OR3A2: variants seen among roughly 807,000 people sequenced by gnomAD.
OR3A2 encodes the protein olfactory receptor 3A2.
For synonymous variants in OR3A2, 126 were observed against 159.3 expected (o/e 0.79, Z 1.57); for missense variants, 318 against 392.8 (o/e 0.81, Z 1.61).
chr17:3,310,576 T>C (rs779776762), intron 3 of OR3A2: 1 of 537,186 alleles, frequency 1.9e-6, no homozygotes, highest in Admixed American at 1.9e-5. Context: ...AGCCATTTCA[T>C]ATCCAACGAC....
intron 3 of OR3A2, among the ~76,000 whole-genome samples, chr17:3,327,989 G>A (rs2150640012): frequency 7.5e-6 from 1 of 133,098 alleles, no homozygotes; most frequent in Middle Eastern, 3.8e-3. Context: ...GTCAGGTAGT[G>A]TGATGCCTCC....
intron 2 of OR3A2, among the ~76,000 whole-genome samples, chr17:3,348,322 T>C (rs1488060165): frequency 2.6e-5 from 4 of 152,174 alleles, no homozygotes; most frequent in Admixed American, 1.3e-4. Context: ...TCCTTGCCCA[T>C]GCCTATGTCC....
exon 2 of OR3A2, chr17:3,277,847 C>T: frequency 9.8e-7 from 1 of 1,025,076 alleles, no homozygotes; most frequent in Non-Finnish European, 1.4e-6. Flanking sequence ...AAATATGTAA[C>T]ACCGATCTTC....
At chr17:3,367,575 G>T (rs554708609) in intron 2 of OR3A2, among the ~76,000 whole-genome samples, 1 of 123,264 alleles carries the variant, frequency 8.1e-6, no homozygotes, top group Non-Finnish European at 1.6e-5. Context: ...GTATTCCATG[G>T]TGTATATGTA....
At chr17:3,307,488 G>A (rs2049007954) in intron 3 of OR3A2, among the ~76,000 whole-genome samples, 1 of 152,180 alleles carries the variant, frequency 6.6e-6, no homozygotes, top group Admixed American at 6.5e-5. Context: ...GAGTCAGTGA[G>A]AATGCTTAAT....
chr17:3,310,671 A>G (rs777209688), intron 3 of OR3A2: 1 of 543,442 alleles, frequency 1.8e-6, no homozygotes, highest in African/African-American at 1.9e-5. Flanking sequence ...GCTGACCATC[A>G]TGGCCTATGA....
chr17:3,303,964 A>AAC (rs1555525729), intron 3 of OR3A2, among the ~76,000 whole-genome samples: 8 of 117,898 alleles, frequency 6.8e-5, no homozygotes, highest in Non-Finnish European at 1.3e-4. Context: ...TTTTGGTACT[A>AAC]ATATATATAT....
At chr17:3,344,275 T>A (rs936870579) in intron 2 of OR3A2, among the ~76,000 whole-genome samples, 1 of 151,984 alleles carries the variant, frequency 6.6e-6, no homozygotes, top group Non-Finnish European at 1.5e-5. Flanking sequence ...TTTTTACACA[T>A]CTAATTATTT....
chr17:3,350,977 T>A (rs2049415167), intron 2 of OR3A2, among the ~76,000 whole-genome samples: 1 of 151,854 alleles, frequency 6.6e-6, no homozygotes, highest in Non-Finnish European at 1.5e-5. Context: ...TTGACAAAAT[T>A]CAACAACCTT....
At chr17:3,298,534 C>T (rs1198021517) in intron 3 of OR3A2, among the ~76,000 whole-genome samples, 2 of 152,156 alleles carry the variant, frequency 1.3e-5, no homozygotes, top group Admixed American at 6.5e-5. Context: ...CTAGGAAGGA[C>T]GGGCATTGGC....
At chr17:3,386,278 G>C (rs983657182) in exon 1 of OR3A2, 4 of 398,566 alleles carry the variant, frequency 1.0e-5, no homozygotes, top group Non-Finnish European at 1.8e-5. Context: ...CCTCCTGGCG[G>C]CCATGTCCTA....
chr17:3,276,747 T>C (rs1475089658), downstream of OR3A2, among the ~76,000 whole-genome samples: 1 of 152,084 alleles, frequency 6.6e-6, no homozygotes, highest in Non-Finnish European at 1.5e-5. Flanking sequence ...TTCAAAAACT[T>C]TATCATATGT....
intron 2 of OR3A2, among the ~76,000 whole-genome samples, chr17:3,364,097 G>A (rs1425758799): frequency 6.6e-5 from 10 of 152,162 alleles, no homozygotes; most frequent in Admixed American, 6.6e-4. Context: ...AAATGTATGT[G>A]TAGAAAACAA....
intron 2 of OR3A2, among the ~76,000 whole-genome samples, chr17:3,373,680 G>A (rs746196754): frequency 7.9e-5 from 12 of 152,024 alleles, no homozygotes; most frequent in Non-Finnish European, 1.8e-4. Context: ...AAGTTTCCAT[G>A]AGTCCTTATG....
chr17:3,332,028 G>C (rs1334296987), intron 3 of OR3A2, among the ~76,000 whole-genome samples: 1 of 152,024 alleles, frequency 6.6e-6, no homozygotes, highest in Non-Finnish European at 1.5e-5. Flanking sequence ...AGGCTGCTCG[G>C]GGGTCAGGGG....
chr17:3,375,657 G>A (rs996884734), intron 2 of OR3A2, among the ~76,000 whole-genome samples: 1 of 152,016 alleles, frequency 6.6e-6, no homozygotes, highest in African/African-American at 2.4e-5. Flanking sequence ...GATCTTTTGG[G>A]GGTGTTATAG....
At chr17:3,374,303 C>T (rs4790480) in intron 2 of OR3A2, among the ~76,000 whole-genome samples, 14,617 of 152,180 alleles carry the variant, frequency 0.096, 870 homozygotes, top group East Asian at 0.16. Context: ...AATGAATTTC[C>T]AGGGTGTTCT....
chr17:3,340,887 A>C (rs1028819952), intron 2 of OR3A2, among the ~76,000 whole-genome samples: 7 of 152,092 alleles, frequency 4.6e-5, no homozygotes, highest in African/African-American at 1.7e-4. Context: ...CCATTATTAA[A>C]GTGTGGGAGT....
intron 2 of OR3A2, among the ~76,000 whole-genome samples, chr17:3,348,109 A>T (rs1026680371): frequency 2.6e-5 from 4 of 151,590 alleles, no homozygotes; most frequent in African/African-American, 9.7e-5. Context: ...TTTTTCTTGT[A>T]AATTTGTTTG....
Sources: gnomAD v4.1 joint callset for allele counts (sites outside exome capture counted in the v4.1 genomes callset) on GRCh38, gnomAD v4.1.1 for gene constraint, MANE v1.5 for transcripts, NCBI Gene and HGNC (gene_info 2026-07-23, HGNC 2026-07-21) for gene names.